The following CLVS1 variants were observed in gnomAD, a reference collection of about 807,000 sequenced individuals.
CLVS1 encodes clavesin-1.
Under a neutral mutation model 33.1 loss-of-function variants are expected in CLVS1, and 10 were observed. The observed-to-expected ratio is 0.30, with a 90% confidence interval of 0.19 to 0.51. CLVS1 has a LOEUF of 0.51. Ranked by LOEUF, CLVS1 falls within the 20% of genes least tolerant of loss-of-function variation. The pLI is 0.97. For missense variants in CLVS1, 343 were observed against 433.4 expected, an observed-to-expected ratio of 0.79 and a Z score of 1.85; for synonymous variants, 163 against 166.1, an observed-to-expected ratio of 0.98 and a Z score of 0.14.
At chr8:61,195,451 TATC>T (rs1475563452) in intron 2 of CLVS1, among the ~76,000 whole-genome samples, 2 of 152,062 alleles carry the variant, frequency 1.3e-5, no homozygotes, top group African/African-American at 4.8e-5. Context: ...AGTGAGTACT[TATC>T]ATGTAAAACA....
chr8:61,321,833 C>G (rs754015044), intron 2 of CLVS1, among the ~76,000 whole-genome samples: 3 of 152,098 alleles, frequency 2.0e-5, no homozygotes, highest in Non-Finnish European at 4.4e-5. Flanking sequence ...TCAATCTTCT[C>G]TCCTTCAAGT....
At chr8:61,455,896 G>C (rs140190229) in intron 4 of CLVS1, among the ~76,000 whole-genome samples, 2 of 152,260 alleles carry the variant, frequency 1.3e-5, no homozygotes, top group African/African-American at 2.4e-5. Flanking sequence ...ATTGCAATGG[G>C]GTAGAGCAGG....
chr8:61,300,101 A>G lies in CLVS1; in HGVS notation c.274A>G (p.Arg92Gly). Reference sequence around the variant, plus strand: ...GAAGTTTCACCAAGCGGATGCCTTTAGACTCCTGGCTCAGTATTTCCAGTA... The same window carrying G: ...GAAGTTTCACCAAGCGGATGCCTTTGGACTCCTGGCTCAGTATTTCCAGTA... ...ARKFHQADAF[R>G]LLAQYFQYRQ... Residue 92 changes from arginine to glycine, a missense_variant, in exon 2 of 6, where the codon AGA becomes GGA. Physicochemically the swap from Arg to Gly is moderately radical, Grantham distance 125. Transcript: ENST00000325897. 1.2e-6 allele frequency: 2 copies of G among 1,614,042 alleles called. No homozygotes were observed. Among genetic ancestry groups the G allele is most frequent in the Non-Finnish European group, 1.7e-6 (2 of 1,179,976 alleles).
intron 2 of CLVS1, among the ~76,000 whole-genome samples, chr8:61,144,070 C>T (rs1024563449): frequency 3.4e-5 from 5 of 148,182 alleles, no homozygotes; most frequent in Admixed American, 2.1e-4. Flanking sequence ...TATATATATA[C>T]TTTAAGTTCT....
At chr8:61,304,531 A>G (rs1810549378) in intron 2 of CLVS1, among the ~76,000 whole-genome samples, 2 of 152,246 alleles carry the variant, frequency 1.3e-5, no homozygotes, top group Admixed American at 1.3e-4. Context: ...CAGAGTTTTT[A>G]TCCCAGCTCC....
chr8:61,284,170 T>G (rs949809659), upstream of CLVS1, among the ~76,000 whole-genome samples: 10 of 152,106 alleles, frequency 6.6e-5, no homozygotes, highest in Non-Finnish European at 1.3e-4. Context: ...AAAGTGTTGT[T>G]GTCATAGAAG....
chr8:61,158,947 C>T (rs1806700657), intron 2 of CLVS1, among the ~76,000 whole-genome samples: 1 of 152,232 alleles, frequency 6.6e-6, no homozygotes, highest in Admixed American at 6.5e-5. Context: ...CCACTTCAGC[C>T]TCCAGAGTAG....
chr8:61,078,265 A>C (rs1804961811), intron 1 of CLVS1, among the ~76,000 whole-genome samples: 1 of 152,224 alleles, frequency 6.6e-6, no homozygotes, highest in Non-Finnish European at 1.5e-5. Context: ...ACCTTGACAC[A>C]CACAGCGGAA....
At chr8:61,293,250 T>C (rs957061764) in intron 1 of CLVS1, among the ~76,000 whole-genome samples, 1 of 152,210 alleles carries the variant, frequency 6.6e-6, no homozygotes. Context: ...CCTTGTAGAC[T>C]ACTCTCCCTG....
chr8:61,480,655 C>T (rs776728923), intron 5 of CLVS1, among the ~76,000 whole-genome samples: 1 of 152,186 alleles, frequency 6.6e-6, no homozygotes, highest in Non-Finnish European at 1.5e-5. Flanking sequence ...ATGCAGAAAT[C>T]ACCCATCTTC....
Position 61,414,205 on chromosome 8 carries a change from T to C in CLVS1, c.630+37426T>C, listed in dbSNP as rs533849891. Among the ~76,000 whole-genome samples, 81 of 152,074 alleles carry C rather than the reference T, an allele frequency of 5.3e-4. 1 individual carries two copies. The highest frequency in any genetic ancestry group is 1.9e-3 in the African/African-American group (79 of 41,472). On this transcript the variant is annotated intron_variant, in intron 3 of 5. Transcript: ENST00000325897. ...ACAAATAATTACAAAGAAAACTGAGTGTATGATAATAAAGGCATTCCCAAG... is the reference window on the plus strand; with the variant it reads ...ACAAATAATTACAAAGAAAACTGAGCGTATGATAATAAAGGCATTCCCAAG...
chr8:61,370,922 C>A (rs111379827), intron 2 of CLVS1, among the ~76,000 whole-genome samples: 2 of 152,044 alleles, frequency 1.3e-5, no homozygotes, highest in Admixed American at 6.6e-5. Context: ...GGGCTGATTC[C>A]ATATTTTTGA....
At chr8:61,059,475 C>CATACATATATATATATATATAT (rs59538219) in intron 1 of CLVS1, among the ~76,000 whole-genome samples, 81 of 50,186 alleles carry the variant, frequency 1.6e-3, no homozygotes, top group Non-Finnish European at 2.0e-3. Flanking sequence ...TACATACATA[C>CATACATATATATATATATATAT]ATATATATAT....
chr8:61,424,685 A>G (rs10102451), intron 3 of CLVS1, among the ~76,000 whole-genome samples: 3,647 of 152,194 alleles, frequency 0.024, 155 homozygotes, highest in African/African-American at 0.083. Context: ...CAGTTACTCT[A>G]TCTTTTTGTC....
At chr8:61,188,537 C>T (rs1807394148) in intron 2 of CLVS1, among the ~76,000 whole-genome samples, 1 of 152,012 alleles carries the variant, frequency 6.6e-6, no homozygotes, top group Non-Finnish European at 1.5e-5. Flanking sequence ...TAGTATTATT[C>T]TTAAACAAAT....
chr8:61,458,614 A>T, intron 5 of CLVS1, 72 bp downstream of exon 5: 4 of 997,046 alleles, frequency 4.0e-6, no homozygotes, highest in Non-Finnish European at 5.8e-6. Flanking sequence ...ACCTATTGTG[A>T]ATTATTAATT....
the CLVS1 span, among the ~76,000 whole-genome samples, chr8:60,991,744 CT>C: frequency 0.23 from 27,596 of 118,726 alleles, 2,861 homozygotes; most frequent in African/African-American, 0.35. Flanking sequence ...AAGCCCCACT[CT>C]TTTTTTTTTT....
intron 2 of CLVS1, among the ~76,000 whole-genome samples, chr8:61,224,116 GC>G (rs1808279805): frequency 6.6e-6 from 1 of 152,016 alleles, no homozygotes; most frequent in African/African-American, 2.4e-5. Context: ...TAGACCATGT[GC>G]CTTTAGCTCA....
At chr8:61,299,097 C>A (rs1810332575) in intron 1 of CLVS1, among the ~76,000 whole-genome samples, 1 of 152,200 alleles carries the variant, frequency 6.6e-6, no homozygotes, top group South Asian at 2.1e-4. Context: ...CCCACCCCCA[C>A]TCTTCACACA....
Sources: allele counts gnomAD v4.1 joint callset (sites outside exome capture counted in the v4.1 genomes callset), GRCh38; gene constraint gnomAD v4.1.1; transcripts MANE v1.5; gene names NCBI Gene and HGNC (gene_info 2026-07-23, HGNC 2026-07-21).